The following LRMDA variants were observed in gnomAD, a reference collection of about 807,000 sequenced individuals.
LRMDA encodes leucine rich melanocyte differentiation associated, also known as leucine-rich melanocyte differentiation-associated protein.
A neutral mutation model predicts 29.8 loss-of-function variants in LRMDA; 18 were observed. The ratio of observed to expected loss-of-function variants is 0.60; its 90% CI spans 0.42 to 0.90. The LOEUF (loss-of-function observed/expected upper bound fraction) is 0.90, where lower values mean the gene tolerates loss of function less well. Ranked by LOEUF, LRMDA falls within the 40% of genes least tolerant of loss-of-function variation. The pLI, the probability that LRMDA is intolerant of heterozygous loss-of-function variation, is 0.00. For synonymous variants in LRMDA, 125 were observed against 109.4 expected, an observed-to-expected ratio of 1.14 and a Z score of -0.89; for missense variants, 273 against 273.9, an observed-to-expected ratio of 1.00 and a Z score of 0.02.
chr10:75,889,214 T>C lies in LRMDA; in HGVS notation c.132-146794T>C, dbSNP rs150328828. On this transcript the variant is annotated intron_variant, in intron 2 of 6. Coordinates refer to ENST00000611255, the MANE Select transcript of LRMDA (RefSeq NM_001305581.2). ...GACCTGCCTAGTAAAGAATATGAAA[T>C]GTTAGCAAGTGATGTAATCTCCCAA... Among the ~76,000 whole-genome samples, 352 of 152,282 alleles carry C rather than the reference T, an allele frequency of 2.3e-3. 1 individual carries two copies. The highest frequency in any genetic ancestry group is 7.7e-3 in the African/African-American group (318 of 41,554).
rs779298876 is a variant in LRMDA, at chr10:76,391,847, C to T, written c.601+67362C>T. The stretch of plus-strand genomic sequence containing the variant: ...GGTTAGAGATTAGGTAGTAAAATGC[C>T]TTATTTAAGGTAACTGTTCTTAGTC... On this transcript the variant is annotated intron_variant, in intron 6 of 6. Transcript: ENST00000611255. Among the ~76,000 whole-genome samples, 8 of 152,206 alleles carry T rather than the reference C, an allele frequency of 5.3e-5. No individual in the cohort carries two copies. The East Asian group carries it at 7.7e-4, about 15-fold the overall frequency.
At chr10:75,755,262 T>G (rs1327854894) in intron 2 of LRMDA, among the ~76,000 whole-genome samples, 1 of 152,228 alleles carries the variant, frequency 6.6e-6, no homozygotes, top group African/African-American at 2.4e-5. Flanking sequence ...ACACCATTAA[T>G]GTAGGTATGG....
intron 6 of LRMDA, among the ~76,000 whole-genome samples, chr10:76,414,011 G>A (rs541823536): frequency 2.6e-5 from 4 of 152,322 alleles, no homozygotes; most frequent in Admixed American, 2.0e-4. Flanking sequence ...CATATGGCTG[G>A]TGAGAGGCAG....
chr10:75,713,194 C>G (rs1842458495), intron 2 of LRMDA, among the ~76,000 whole-genome samples: 1 of 152,096 alleles, frequency 6.6e-6, no homozygotes, highest in Non-Finnish European at 1.5e-5. Flanking sequence ...CTAACCCAAA[C>G]CCCAAATATG....
intron 2 of LRMDA, among the ~76,000 whole-genome samples, chr10:75,512,698 C>T (rs559976078): frequency 1.3e-5 from 2 of 151,972 alleles, no homozygotes; most frequent in Non-Finnish European, 2.9e-5. Context: ...GCAGCGGCTG[C>T]GGTGGGAATG....
rs1850543149 is a variant in LRMDA at position 76,156,644 on chromosome 10, A to G, written c.516+97861A>G. Among the ~76,000 whole-genome samples, 2 of 152,106 alleles carry G rather than the reference A, an allele frequency of 1.3e-5. 1 individual carries two copies. The highest frequency in any genetic ancestry group is 2.9e-5 in the Non-Finnish European group (2 of 68,018). ...CCCTGAGCCACATCTTTGACTTATG[A>G]TATTAGAGGAGTATTATGGGCCATT... On this transcript the variant is annotated intron_variant, in intron 5 of 6. Transcript: ENST00000611255.
At chr10:76,054,362 TG>T (rs1329957131) in intron 4 of LRMDA, among the ~76,000 whole-genome samples, 1 of 152,050 alleles carries the variant, frequency 6.6e-6, no homozygotes, top group Non-Finnish European at 1.5e-5. Context: ...TCTCTTCGAT[TG>T]TATAAGAAGA....
chr10:75,579,920 C>G (rs948743201), intron 2 of LRMDA, among the ~76,000 whole-genome samples: 2 of 152,174 alleles, frequency 1.3e-5, no homozygotes, highest in Middle Eastern at 3.2e-3. Flanking sequence ...TGGAACGTAT[C>G]TCAAAATAAT....
chr10:75,919,536 C>T (rs576867162), intron 2 of LRMDA, among the ~76,000 whole-genome samples: 2 of 152,198 alleles, frequency 1.3e-5, no homozygotes, highest in South Asian at 4.2e-4. Flanking sequence ...AGGGTTTTGC[C>T]TACTCAGTGT....
rs923733511 is a variant in LRMDA at position 76,237,201 on chromosome 10, CAGAA to C, written c.517-87190_517-87187del. On this transcript the variant is annotated intron_variant, in intron 5 of 6. Transcript: ENST00000611255. ...CCTGTCTCTTAAAAAATAGCAAAAA[CAGAA>C]AGAAAGAAAATGTTAAGTTCCCCAT... Among the ~76,000 whole-genome samples the C allele has an allele frequency of 2.0e-5, 3 of 151,982 alleles. No individual in the cohort carries two copies. In the South Asian group the frequency reaches 6.2e-4, roughly 32 times the overall value.
At chr10:75,938,774 A>G (rs776724535) in intron 2 of LRMDA, among the ~76,000 whole-genome samples, 1 of 152,198 alleles carries the variant, frequency 6.6e-6, no homozygotes, top group Non-Finnish European at 1.5e-5. Flanking sequence ...ATGAAGGGCA[A>G]TAAAGCAGCA....
Position 76,157,499 on chromosome 10 carries a change from A to G in LRMDA, c.516+98716A>G, listed in dbSNP as rs537804088. 6.6e-4 allele frequency among the ~76,000 whole-genome samples: 100 copies of G among 152,194 alleles called. No individual in the cohort carries two copies. The Middle Eastern group carries it at 0.01, about 16-fold the overall frequency. ...TGTGATAGCATGCACCTATAGTCTC[A>G]GCTACTCAGAGGGCTGAGGCAGGAA... On this transcript the variant is annotated intron_variant, in intron 5 of 6. Transcript: ENST00000611255.
At chr10:75,864,198 C>G (rs1844982106) in intron 2 of LRMDA, among the ~76,000 whole-genome samples, 1 of 152,190 alleles carries the variant, frequency 6.6e-6, no homozygotes, top group Non-Finnish European at 1.5e-5. Context: ...TTTGAATACT[C>G]TAAAACTCTA....
chr10:76,512,649 TC>T (rs1159413024), intron 6 of LRMDA, among the ~76,000 whole-genome samples: 4 of 152,148 alleles, frequency 2.6e-5, no homozygotes, highest in African/African-American at 9.7e-5. Context: ...GAGTAAGTCT[TC>T]ATGACCTTGG....
intron 2 of LRMDA, among the ~76,000 whole-genome samples, chr10:75,935,921 T>C (rs1267421939): frequency 6.6e-6 from 1 of 152,190 alleles, no homozygotes; most frequent in African/African-American, 2.4e-5. Flanking sequence ...GTGCTTGTGA[T>C]GCTTGACGGG....
chr10:76,504,693 A>C (rs1401038233), intron 6 of LRMDA, among the ~76,000 whole-genome samples: 1 of 151,990 alleles, frequency 6.6e-6, no homozygotes, highest in Non-Finnish European at 1.5e-5. Flanking sequence ...TGTGGATGTC[A>C]TTACGTATGA....
chr10:75,441,675 C>G (rs1288943007), intron 2 of LRMDA, among the ~76,000 whole-genome samples: 1 of 152,150 alleles, frequency 6.6e-6, no homozygotes, highest in Non-Finnish European at 1.5e-5. Context: ...CTTTCCAGAG[C>G]TATCCTCAGA....
At chr10:75,671,374 C>T (rs1322563116) in intron 2 of LRMDA, among the ~76,000 whole-genome samples, 1 of 152,134 alleles carries the variant, frequency 6.6e-6, no homozygotes, top group Admixed American at 6.5e-5. Flanking sequence ...CCAGGGATTC[C>T]TGTCACAGCT....
chr10:76,186,172 T>C (rs1851146089), intron 5 of LRMDA, among the ~76,000 whole-genome samples: 1 of 152,164 alleles, frequency 6.6e-6, no homozygotes, highest in Non-Finnish European at 1.5e-5. Context: ...GGACAGTTTG[T>C]TTATTTTTTA....
Sources: gnomAD v4.1 joint callset for allele counts (sites outside exome capture counted in the v4.1 genomes callset) on GRCh38, gnomAD v4.1.1 for gene constraint, MANE v1.5 for transcripts, NCBI Gene and HGNC (gene_info 2026-07-23, HGNC 2026-07-21) for gene names.